DNAI7: variants seen among roughly 807,000 people sequenced by gnomAD.
DNAI7 encodes the protein dynein axonemal intermediate chain 7.
DNAI7 carries 78 observed loss-of-function variants against 86.6 expected under a neutral mutation model. The ratio of observed to expected loss-of-function variants is 0.90; its 90% CI spans 0.75 to 1.09. The LOEUF (loss-of-function observed/expected upper bound fraction) is 1.09, where lower values mean the gene tolerates loss of function less well. Ranked by LOEUF, DNAI7 falls within the 50% of genes least tolerant of loss-of-function variation. The pLI is 0.00. For synonymous variants in DNAI7, 274 were observed against 273.0 expected, an observed-to-expected ratio of 1.00 and a Z score of -0.04; for missense variants, 753 against 810.2, an observed-to-expected ratio of 0.93 and a Z score of 0.86.
chr12:25,161,348 T>C, intron 2 of DNAI7, 151 bp from the exon 3 acceptor site: 1 of 670,178 alleles, frequency 1.5e-6, no homozygotes, highest in Non-Finnish European at 2.7e-6. Flanking sequence ...CCTCTTAGTG[T>C]AAAGCTTTGA....
chr12:25,154,271 C>G, intron 6 of DNAI7, 48 bp downstream of exon 6: 1 of 1,473,074 alleles, frequency 6.8e-7, no homozygotes, highest in Non-Finnish European at 9.1e-7. Context: ...GAGTTAATAT[C>G]AGACTATTTG....
chr12:25,109,826 G>A (rs543019570), intron 15 of DNAI7, among the ~76,000 whole-genome samples: 7 of 152,118 alleles, frequency 4.6e-5, no homozygotes, highest in Non-Finnish European at 7.4e-5. Context: ...TTACAGGCAT[G>A]CGCCACCACA....
rs1938900907 is a variant in DNAI7, at chr12:25,111,876, CT to C, written c.1674del (p.Gly559GlufsTer4). 1.2e-6 allele frequency: 2 copies of C among 1,607,164 alleles called. No homozygotes were observed. On this transcript the variant is annotated frameshift_variant, in exon 14 of 16. Transcript: ENST00000395987. LOFTEE classifies it high-confidence loss of function. ...AAAGGAATAGGAGTCATCCAGGTTC[CT>C]TCCAAAATAGAGATGTGTTTCTTGT... ...LKDKKHISIL[E>X]GTWMTPIPFI...
chr12:25,110,564 A>G (rs1226511870), intron 14 of DNAI7, among the ~76,000 whole-genome samples: 1 of 152,044 alleles, frequency 6.6e-6, no homozygotes, highest in African/African-American at 2.4e-5. Context: ...CCAATCCTCC[A>G]GCACACCAAG....
Position 25,108,686 on chromosome 12 carries a change from C to T in DNAI7, c.2031G>A (p.Glu677=). The change falls in exon 16 of 16, where the codon GAG becomes GAA. Residue 677 remains glutamate, a synonymous_variant. Transcript: ENST00000395987. The stretch of plus-strand genomic sequence containing the variant: ...CCATGTGATATAAAGTAGAATGAAA[C>T]TCAGTTTCTTCTTTAAGTGCTTCAG... The part of the protein sequence containing the change: ...AFSEALKEET[E]FHSTLYHMVK... 6.2e-7 allele frequency: 1 copy of T among 1,613,682 alleles called. No homozygotes were observed. The highest frequency in any genetic ancestry group is 2.2e-5 in the East Asian group (1 of 44,860).
intron 13 of DNAI7, among the ~76,000 whole-genome samples, chr12:25,113,047 T>C (rs909410411): frequency 1.3e-5 from 2 of 152,196 alleles, no homozygotes; most frequent in African/African-American, 2.4e-5. Context: ...GAAGAATCTC[T>C]GCACAAGGGT....
intron 4 of DNAI7, 90 bp downstream of exon 4, chr12:25,158,382 T>C (rs1276413061): frequency 1.5e-5 from 14 of 958,778 alleles, no homozygotes; most frequent in Non-Finnish European, 1.6e-5. Context: ...ATATTACTGG[T>C]AGCTATGGGC....
Position 25,119,221 on chromosome 12 carries a change from A to C in DNAI7, c.1320T>G (p.Pro440=). The part of the protein sequence containing the change: ...EEFETENAFP[P]IEVTLEVHEN... The stretch of plus-strand genomic sequence containing the variant: ...CATGAACCTCAAGTGTGACCTCTAT[A>C]GGTGGGAAAGCATTTTCTGTCTCAA... The change falls in exon 12 of 16, where the codon CCT becomes CCG. Residue 440 remains proline, a synonymous_variant. Transcript: ENST00000395987. 1 of 1,612,576 alleles carries C rather than the reference A, an allele frequency of 6.2e-7. No individual in the cohort carries two copies. The highest frequency in any genetic ancestry group is 1.1e-5 in the South Asian group (1 of 90,898).
At position 25,115,930 on chromosome 12, in the gene DNAI7, T is replaced by C. The variant is rs147318431; in HGVS notation, c.1397-1060A>G. On this transcript the variant is annotated intron_variant, in intron 12 of 15. Coordinates refer to ENST00000395987, the MANE Select transcript of DNAI7 (RefSeq NM_018272.5). Reference sequence around the variant, plus strand: ...GAGAAGCCTTCCAATACTCTAAAGATTGAGCCATCTGTGTCGTGCTCTATA... The same window carrying C: ...GAGAAGCCTTCCAATACTCTAAAGACTGAGCCATCTGTGTCGTGCTCTATA... 7.3e-3 allele frequency among the ~76,000 whole-genome samples: 1,109 copies of C among 152,320 alleles called. 3 individuals carry two copies. Among genetic ancestry groups the C allele is most frequent in the Non-Finnish European group, 0.012 (798 of 68,024 alleles).
At chr12:25,189,369 A>G (rs966710145) in intron 2 of DNAI7, among the ~76,000 whole-genome samples, 3 of 152,188 alleles carry the variant, frequency 2.0e-5, no homozygotes, top group African/African-American at 7.2e-5. Context: ...AGCCAGGCGC[A>G]GTGACTCATG....
intron 2 of DNAI7, among the ~76,000 whole-genome samples, chr12:25,166,575 C>G (rs1947492330): frequency 1.3e-5 from 2 of 152,164 alleles, no homozygotes; most frequent in Admixed American, 1.3e-4. Flanking sequence ...TGTTACCTAT[C>G]TCGGCATAAT....
At chr12:25,180,875 C>T (rs1949435136) in intron 2 of DNAI7, among the ~76,000 whole-genome samples, 1 of 152,046 alleles carries the variant, frequency 6.6e-6, no homozygotes, top group Non-Finnish European at 1.5e-5. Flanking sequence ...GGTGCAATCT[C>T]GGCTCACTGC....
chr12:25,114,768 T>G lies in DNAI7; in HGVS notation c.1499A>C (p.Gln500Pro). The G allele has an allele frequency of 2.5e-6, 4 of 1,614,068 alleles. No homozygotes were observed. The highest frequency in any genetic ancestry group is 3.4e-6 in the Non-Finnish European group (4 of 1,179,924). The change falls in exon 13 of 16, where the codon CAA becomes CCA. Residue 500 changes from glutamine (Q) to proline (P), a missense_variant. Physicochemically the swap from Gln to Pro is moderately conservative, Grantham distance 76 (BLOSUM62 -1). Coordinates refer to ENST00000395987, the MANE Select transcript of DNAI7 (RefSeq NM_018272.5). The part of the protein sequence containing the change: ...LDTFGPVTLI[Q>P]DAHINMPYQS... Reference sequence around the variant, plus strand: ...GTACGGCATGTTAATATGAGCATCTTGAATCAAGGTAACAGGGCCAAAGGT... The same window carrying G: ...GTACGGCATGTTAATATGAGCATCTGGAATCAAGGTAACAGGGCCAAAGGT...
rs146389673 is a variant in DNAI7, at chr12:25,176,029, G to A, written c.21+14585C>T. 2.1e-3 allele frequency among the ~76,000 whole-genome samples: 315 copies of A among 152,134 alleles called. 1 individual carries two copies. The highest frequency in any genetic ancestry group is 7.1e-3 in the African/African-American group (295 of 41,504). On this transcript the variant is annotated intron_variant, in intron 2 of 15. Transcript: ENST00000395987. ...TGGGAGGTGGAGATTGCAGGGAGCCGAGATCATGCCACTGCACTCCAGCCT... is the reference window on the plus strand; with the variant it reads ...TGGGAGGTGGAGATTGCAGGGAGCCAAGATCATGCCACTGCACTCCAGCCT...
At chr12:25,178,389 T>C (rs1278817943) in intron 2 of DNAI7, among the ~76,000 whole-genome samples, 1 of 152,208 alleles carries the variant, frequency 6.6e-6, no homozygotes. Context: ...GCATAAAAAG[T>C]TGCTCAAATA....
chr12:25,144,793 C>CTGA, intron 8 of DNAI7, 116 bp from the exon 9 acceptor site: 1 of 777,220 alleles, frequency 1.3e-6, no homozygotes, highest in South Asian at 1.9e-5. Flanking sequence ...AATTTTGACT[C>CTGA]TGATCATATG....
intron 9 of DNAI7, among the ~76,000 whole-genome samples, chr12:25,138,920 T>C (rs1943872243): frequency 6.6e-6 from 1 of 151,008 alleles, no homozygotes; most frequent in Admixed American, 6.6e-5. Flanking sequence ...AATAAAAATC[T>C]GGTTTTTTGA....
intron 9 of DNAI7, among the ~76,000 whole-genome samples, chr12:25,136,665 T>TA (rs1294803186): frequency 6.6e-6 from 1 of 152,038 alleles, no homozygotes; most frequent in Non-Finnish European, 1.5e-5. Context: ...GTAAAAATGA[T>TA]ACAGGCGATG....
chr12:25,173,913 T>A (rs1286939868), intron 2 of DNAI7, among the ~76,000 whole-genome samples: 1 of 127,628 alleles, frequency 7.8e-6, no homozygotes, highest in Admixed American at 8.0e-5. Flanking sequence ...ATCATATATA[T>A]GGAATATATA....
Sources: gnomAD v4.1 joint callset for allele counts (sites outside exome capture counted in the v4.1 genomes callset) on GRCh38, gnomAD v4.1.1 for gene constraint, MANE v1.5 for transcripts, NCBI Gene and HGNC (gene_info 2026-07-23, HGNC 2026-07-21) for gene names.